TPGS2: variants seen among roughly 807,000 people sequenced by gnomAD.
The protein encoded by TPGS2 is tubulin polyglutamylase complex subunit 2, also known as polyglutamylase subunit 2.
In TPGS2, 26 loss-of-function variants were observed where a neutral mutation model predicts 31.1. The observed-to-expected ratio is 0.84, with a 90% CI of 0.61 to 1.16. The LOEUF is 1.16. Ranked by LOEUF, TPGS2 falls within the 50% of genes most tolerant of loss-of-function variation. TPGS2 has a pLI of 0.00. For synonymous variants in TPGS2, 130 were observed against 136.6 expected, an observed-to-expected ratio of 0.95 and a Z score of 0.34; for missense variants, 351 against 363.8, an observed-to-expected ratio of 0.96 and a Z score of 0.29.
intron 1 of TPGS2, among the ~76,000 whole-genome samples, chr18:36,819,548 G>A (rs1404210982): frequency 6.6e-6 from 1 of 152,114 alleles, no homozygotes; most frequent in Admixed American, 6.6e-5. Context: ...CAAATAATCT[G>A]GTCTGCTTCT....
chr18:36,792,519 AT>A (rs2044349812), downstream of TPGS2, among the ~76,000 whole-genome samples: 1 of 152,226 alleles, frequency 6.6e-6, no homozygotes, highest in Admixed American at 6.5e-5. Context: ...ATAAAAACAG[AT>A]TTTGAATTAT....
chr18:36,811,338 G>A (rs1202934690), intron 2 of TPGS2, among the ~76,000 whole-genome samples: 1 of 152,098 alleles, frequency 6.6e-6, no homozygotes, highest in Non-Finnish European at 1.5e-5. Context: ...TGTTGAGTAG[G>A]GTATGAGAGT....
chr18:36,828,562 C>T, intron 1 of TPGS2, 121 bp downstream of exon 1: 1 of 1,080,710 alleles, frequency 9.3e-7, no homozygotes, highest in Non-Finnish European at 1.4e-6. Flanking sequence ...AACGGAAGTC[C>T]CAGCAGCGAT....
chr18:36,815,520 C>CT (rs2045613262), intron 2 of TPGS2, among the ~76,000 whole-genome samples: 1 of 152,128 alleles, frequency 6.6e-6, no homozygotes, highest in East Asian at 1.9e-4. Context: ...CATTCATGGA[C>CT]TTGTAAGGGA....
At chr18:36,813,636 T>A (rs1196763937) in intron 2 of TPGS2, among the ~76,000 whole-genome samples, 1 of 152,238 alleles carries the variant, frequency 6.6e-6, no homozygotes, top group Non-Finnish European at 1.5e-5. Context: ...GAGCATAAAC[T>A]ATCTGGTCCT....
chr18:36,786,623 C>A, intron 6 of TPGS2: 1 of 388,530 alleles, frequency 2.6e-6, no homozygotes, highest in African/African-American at 2.1e-5. Flanking sequence ...CAAAGTTGTT[C>A]CGTCAGTCTT....
downstream of TPGS2, among the ~76,000 whole-genome samples, chr18:36,791,590 G>T (rs1473167380): frequency 6.6e-6 from 1 of 152,142 alleles, no homozygotes; most frequent in African/African-American, 2.4e-5. Context: ...GGAAACAAAG[G>T]GGCAAAAGAG....
intron 2 of TPGS2, among the ~76,000 whole-genome samples, chr18:36,811,546 A>G (rs2045427427): frequency 6.6e-6 from 1 of 152,176 alleles, no homozygotes; most frequent in African/African-American, 2.4e-5. Flanking sequence ...AACCTTCAGA[A>G]GAGTAATACC....
intron 3 of TPGS2, 130 bp downstream of exon 3, chr18:36,807,717 G>T: frequency 1.4e-6 from 1 of 731,336 alleles, no homozygotes. Flanking sequence ...CACAGCTTCT[G>T]GACATGGCAC....
chr18:36,812,346 C>A (rs757307933), intron 2 of TPGS2, among the ~76,000 whole-genome samples: 1 of 152,116 alleles, frequency 6.6e-6, no homozygotes, highest in Non-Finnish European at 1.5e-5. Flanking sequence ...TTCAGCCCCA[C>A]CCCCTGACCT....
At chr18:36,810,399 T>C (rs765249406) in intron 2 of TPGS2, among the ~76,000 whole-genome samples, 8 of 152,214 alleles carry the variant, frequency 5.3e-5, no homozygotes, top group Non-Finnish European at 7.3e-5. Flanking sequence ...TTAAAATTTC[T>C]GTTCTAACCA....
At position 36,828,792 on chromosome 18, in the gene TPGS2, G is replaced by C. The variant is rs758306593; in HGVS notation, c.-25C>G. 1.9e-6 allele frequency: 3 copies of C among 1,610,704 alleles called. No individual in the cohort carries two copies. Among genetic ancestry groups the C allele is most frequent in the Non-Finnish European group, 2.5e-6 (3 of 1,178,798 alleles). On this transcript the variant is annotated 5_prime_UTR_variant, in exon 1 of 7. Coordinates refer to ENST00000334295, the MANE Select transcript of TPGS2 (RefSeq NM_015476.4). ...TGGCTCGCGACCGCGATTCGCGCGCGGCGGGAGCGGGTGGAGGGCCGGACC... is the reference window on the plus strand; with the variant it reads ...TGGCTCGCGACCGCGATTCGCGCGCCGCGGGAGCGGGTGGAGGGCCGGACC...
At chr18:36,824,502 G>GT (rs1485389235) in intron 1 of TPGS2, among the ~76,000 whole-genome samples, 1 of 152,176 alleles carries the variant, frequency 6.6e-6, no homozygotes, top group East Asian at 1.9e-4. Flanking sequence ...CACCAGCAGT[G>GT]TATGATATCT....
At chr18:36,821,861 T>C (rs2150689715) in intron 1 of TPGS2, among the ~76,000 whole-genome samples, 1 of 152,326 alleles carries the variant, frequency 6.6e-6, no homozygotes, top group African/African-American at 2.4e-5. Flanking sequence ...CTGGCGTGCT[T>C]TCCTTTATTT....
At chr18:36,818,813 C>T in intron 2 of TPGS2, 81 bp downstream of exon 2, 1 of 1,272,898 alleles carries the variant, frequency 7.9e-7, no homozygotes. Flanking sequence ...AAATATTCTT[C>T]CTCCCCTAAT....
intron 5 of TPGS2, 83 bp downstream of exon 5, chr18:36,800,115 G>C: frequency 8.2e-7 from 1 of 1,213,766 alleles, no homozygotes. Context: ...AAGGAGGTAT[G>C]TGTCTCCTGA....
Position 36,805,519 on chromosome 18 carries a change from T to TA in TPGS2, c.254-18dup. The TA allele has an allele frequency of 6.2e-7, 1 of 1,613,870 alleles. No individual in the cohort carries two copies. The highest frequency in any genetic ancestry group is 1.7e-4 in the Middle Eastern group (1 of 6,058). On this transcript the variant is annotated splice_polypyrimidine_tract_variant and intron_variant, in intron 3 of 6. Coordinates refer to ENST00000334295, the MANE Select transcript of TPGS2 (RefSeq NM_015476.4). Reference sequence around the variant, plus strand: ...TGATGTGCTCTAGGGGAACATGCGTTAAGGAGAATTACATGGAGTAACAGC... The same window carrying TA: ...TGATGTGCTCTAGGGGAACATGCGTTAAAGGAGAATTACATGGAGTAACAGC...
At chr18:36,791,070 C>A (rs1413029827), downstream of TPGS2, among the ~76,000 whole-genome samples, 1 of 152,084 alleles carries the variant, frequency 6.6e-6, no homozygotes. Context: ...TGAGTTCTCA[C>A]GAGATCTGGT....
chr18:36,781,419 C>T (rs939416860), downstream of TPGS2, among the ~76,000 whole-genome samples: 4 of 152,062 alleles, frequency 2.6e-5, no homozygotes, highest in Admixed American at 1.3e-4. Context: ...TTTGGGAGGC[C>T]GAGGTGGGCA....
Sources: allele counts gnomAD v4.1 joint callset (sites outside exome capture counted in the v4.1 genomes callset), GRCh38; gene constraint gnomAD v4.1.1; transcripts MANE v1.5; gene names NCBI Gene and HGNC (gene_info 2026-07-23, HGNC 2026-07-21).